KIF24: variants seen among roughly 807,000 people sequenced by gnomAD.
KIF24 encodes the protein kinesin-like protein KIF24.
A neutral mutation model predicts 118.9 loss-of-function variants in KIF24; 81 were observed. That is an observed-to-expected ratio of 0.68 (90% CI 0.57 to 0.82). KIF24 has a LOEUF of 0.82. KIF24 is among the 40% of genes least tolerant of loss of function. KIF24 has a pLI of 0.00. For missense variants in KIF24, 1,560 were observed against 1,661.6 expected (o/e 0.94, Z 1.06); for synonymous variants, 599 against 610.0 (o/e 0.98, Z 0.27).
At chr9:34,254,754 T>C (rs920313706) in intron 12 of KIF24, among the ~76,000 whole-genome samples, 3 of 152,108 alleles carry the variant, frequency 2.0e-5, no homozygotes, top group Admixed American at 2.0e-4. Context: ...TAGAAATACC[T>C]ACGTGTGGTA....
rs1834888782 is a variant in KIF24 at position 34,257,282 on chromosome 9, A to G, written c.2325T>C (p.Pro775=). 2 of 1,613,678 alleles carry G rather than the reference A, an allele frequency of 1.2e-6. No homozygotes were observed. The highest frequency in any genetic ancestry group is 1.7e-6 in the Non-Finnish European group (2 of 1,179,870). Residue 775 remains proline, a synonymous_variant, in exon 11 of 13, where the codon CCT becomes CCC. Transcript: ENST00000402558. ...GGTATTTTAACTTCTGTTGGAGGAG[A>G]GGTGGCTGTTGGAACTGCTGGTGAT... ...RFYHQQFQQP[P]LLQQKLKYQP...
At chr9:34,281,013 C>CAGTG (rs1319554174) in intron 6 of KIF24, among the ~76,000 whole-genome samples, 1 of 152,104 alleles carries the variant, frequency 6.6e-6, no homozygotes, top group Non-Finnish European at 1.5e-5. Context: ...TTAATTCATT[C>CAGTG]AGTGAGTGTC....
intron 6 of KIF24, among the ~76,000 whole-genome samples, chr9:34,279,117 G>T (rs974069864): frequency 6.6e-6 from 1 of 152,056 alleles, no homozygotes; most frequent in Non-Finnish European, 1.5e-5. Flanking sequence ...AAAACAAAAC[G>T]AAAAACTGTG....
chr9:34,276,269 G>T (rs928949515), intron 6 of KIF24, among the ~76,000 whole-genome samples: 1 of 151,584 alleles, frequency 6.6e-6, no homozygotes, highest in African/African-American at 2.4e-5. Context: ...AGGGATGGTG[G>T]TGCGCACCTG....
intron 6 of KIF24, among the ~76,000 whole-genome samples, chr9:34,280,283 CAAAAAAAAAAAAAAAA>C (rs56387532): frequency 3.1e-5 from 2 of 64,456 alleles, no homozygotes; most frequent in South Asian, 5.9e-4. Flanking sequence ...GACTCCGTCT[CAAAAAAAAAAAAAAAA>C]AAAAAAAAAA....
At chr9:34,319,584 C>T in intron 1 of KIF24, 3 of 1,020,752 alleles carry the variant, frequency 2.9e-6, no homozygotes, top group Non-Finnish European at 4.6e-6. Flanking sequence ...GTGGGACACC[C>T]AGAGCGGCTC....
At chr9:34,300,953 CCTT>C (rs1341356552) in intron 3 of KIF24, among the ~76,000 whole-genome samples, 1 of 151,306 alleles carries the variant, frequency 6.6e-6, no homozygotes, top group Non-Finnish European at 1.5e-5. Flanking sequence ...TTCTGTCTCT[CCTT>C]CTAAAAGTGC....
intron 1 of KIF24, among the ~76,000 whole-genome samples, chr9:34,323,704 C>T (rs538450388): frequency 5.4e-4 from 82 of 152,320 alleles, no homozygotes; most frequent in African/African-American, 1.9e-3. Flanking sequence ...CCTTTGGGAA[C>T]TGTTGCCACC....
chr9:34,304,673 T>C (rs1836847554), intron 3 of KIF24, among the ~76,000 whole-genome samples: 2 of 152,088 alleles, frequency 1.3e-5, no homozygotes, highest in East Asian at 1.9e-4. Context: ...GTTAAAGTGA[T>C]TGGGTTGGTT....
At chr9:34,269,508 C>T (rs980252482) in intron 7 of KIF24, 146 bp from the exon 8 acceptor site, 4 of 394,228 alleles carry the variant, frequency 1.0e-5, no homozygotes, top group Non-Finnish European at 1.3e-5. Context: ...CAACCTCTGC[C>T]TCCCGGGTTC....
chr9:34,283,534 G>A (rs1835931599), intron 6 of KIF24, among the ~76,000 whole-genome samples: 1 of 151,974 alleles, frequency 6.6e-6, no homozygotes, highest in Admixed American at 6.6e-5. Flanking sequence ...ACCCACACCT[G>A]GGCCCCACTC....
chr9:34,329,064 G>C (rs1433501135), intron 1 of KIF24, among the ~76,000 whole-genome samples, 42 bp downstream of exon 1: 4 of 152,228 alleles, frequency 2.6e-5, no homozygotes, highest in Non-Finnish European at 5.9e-5. Context: ...CACGGTTCCG[G>C]ACCAGACCTA....
chr9:34,256,137 C>T lies in KIF24; in HGVS notation c.3470G>A (p.Arg1157Lys), dbSNP rs757732750. The change falls in exon 11 of 13, where the codon AGA becomes AAA. Residue 1157 changes from arginine to lysine, a missense_variant. By Grantham distance (26) the Arg-to-Lys change is conservative. Around this residue, in one of 3 missense-constraint regions of KIF24, gnomAD observed 591 missense variants for 655.6 expected, o/e 0.90. Transcript: ENST00000402558. ...TTCGTGGGAGAAAAGTACAGTCTCTCTGCTCTGGCAGGCCTCTCCTAGGTC... is the reference window on the plus strand; with the variant it reads ...TTCGTGGGAGAAAAGTACAGTCTCTTTGCTCTGGCAGGCCTCTCCTAGGTC... ...EADLGEACQS[R>K]ETVLFSHEHM... is the part of the protein sequence containing the mutation. The T allele has an allele frequency of 7.5e-6, 12 of 1,607,936 alleles. No individual in the cohort carries two copies. Among genetic ancestry groups the T allele is most frequent in the Non-Finnish European group, 1.0e-5 (12 of 1,175,228 alleles).
At chr9:34,316,176 C>A (rs755967165) in intron 1 of KIF24, among the ~76,000 whole-genome samples, 16 of 151,142 alleles carry the variant, frequency 1.1e-4, no homozygotes, top group East Asian at 7.8e-4. Flanking sequence ...ATGGTGAAAC[C>A]GTCTCTACTA....
In KIF24 at chr9:34,307,629, C is replaced by T. The variant is rs553275052; in HGVS notation, c.624-1188G>A. Among the ~76,000 whole-genome samples the T allele has an allele frequency of 5.9e-5, 9 of 151,846 alleles. No homozygotes were observed. The South Asian group carries it at 1.7e-3, about 28-fold the overall frequency. ...CGTGACAATCATTGAAACTGGATGACGGGCCAGGTGCGGTGGCTCACGCCT... is the reference window on the plus strand; with the variant it reads ...CGTGACAATCATTGAAACTGGATGATGGGCCAGGTGCGGTGGCTCACGCCT... On this transcript the variant is annotated intron_variant, in intron 2 of 12. Transcript: ENST00000402558.
In KIF24 at chr9:34,257,577, T is replaced by C. The variant is rs1442094940; in HGVS notation, c.2030A>G (p.Asn677Ser). ...PLCSEKNRMGNKTVLGWESRA... is the reference protein window; with the variant it reads ...PLCSEKNRMGSKTVLGWESRA... ...GCTTTCCCACCCAAGGACAGTTTTGTTGCCCATTCGATTTTTCTCAGAGCA... is the reference window on the plus strand; with the variant it reads ...GCTTTCCCACCCAAGGACAGTTTTGCTGCCCATTCGATTTTTCTCAGAGCA... The change falls in exon 11 of 13, where the codon AAC (asparagine) becomes AGC (serine). Residue 677 changes from asparagine (N) to serine (S), a missense_variant. Physicochemically the swap from Asn to Ser is conservative, Grantham distance 46 (BLOSUM62 1). This residue lies in a region of KIF24 where 964 missense variants were observed against 988.0 expected (regional missense o/e 0.98). Transcript: ENST00000402558. 6.2e-7 allele frequency: 1 copy of C among 1,614,088 alleles called. No individual in the cohort carries two copies. Among genetic ancestry groups the C allele is most frequent in the Admixed American group, 1.7e-5 (1 of 60,034 alleles).
At chr9:34,304,027 T>C (rs1836823761) in intron 3 of KIF24, among the ~76,000 whole-genome samples, 1 of 152,206 alleles carries the variant, frequency 6.6e-6, no homozygotes, top group Admixed American at 6.6e-5. Flanking sequence ...ACTCATTATA[T>C]TGATATAAAG....
At position 34,256,276 on chromosome 9, in the gene KIF24, G is replaced by A. The variant is rs1341619704; in HGVS notation, c.3331C>T (p.His1111Tyr). The A allele has an allele frequency of 1.2e-6, 2 of 1,610,084 alleles. No individual in the cohort carries two copies. Among genetic ancestry groups the A allele is most frequent in the African/African-American group, 2.7e-5 (2 of 74,902 alleles). ...GGGGGAGATGAGGACAGCCACAGGT[G>A]CCTAGTTGCTGAAGACACTGGCAAG... Reference protein sequence around the residue: ...AALPVSSATRHLWLSSSPPDN... With the variant: ...AALPVSSATRYLWLSSSPPDN... Residue 1111 changes from histidine to tyrosine, a missense_variant, in exon 11 of 13, where the codon CAC (histidine) becomes TAC (tyrosine). His to Tyr is a moderately conservative substitution (Grantham distance 83). Around this residue, in one of 3 missense-constraint regions of KIF24, gnomAD observed 591 missense variants for 655.6 expected, o/e 0.90. Coordinates refer to ENST00000402558, the MANE Select transcript of KIF24 (RefSeq NM_194313.4).
upstream of KIF24, among the ~76,000 whole-genome samples, chr9:34,332,325 A>G (rs1190191315): frequency 6.6e-6 from 1 of 152,160 alleles, no homozygotes; most frequent in Non-Finnish European, 1.5e-5. Context: ...CTTATGGGGT[A>G]CCTTGTTAAC....
Sources: gnomAD v4.1 joint callset for allele counts (sites outside exome capture counted in the v4.1 genomes callset) on GRCh38, gnomAD v4.1.1 for gene constraint, gnomAD v4.1.1 regional missense constraint, MANE v1.5 for transcripts, NCBI Gene and HGNC (gene_info 2026-07-23, HGNC 2026-07-21) for gene names.